PRRT4: variants seen among roughly 807,000 people sequenced by gnomAD.
PRRT4 encodes proline rich transmembrane protein 4, also known as proline-rich transmembrane protein 4.
Under a neutral mutation model 55.6 loss-of-function variants are expected in PRRT4, and 59 were observed. The observed-to-expected ratio is 1.06, with a 90% CI of 0.86 to 1.32. The LOEUF (loss-of-function observed/expected upper bound fraction) is 1.32. Ranked by LOEUF, PRRT4 falls within the 40% of genes most tolerant of loss-of-function variation. The pLI, the probability that PRRT4 is intolerant of heterozygous loss-of-function variation, is 0.00. For missense variants in PRRT4, 1,217 were observed against 1,222.0 expected, an observed-to-expected ratio of 1.00 and a Z score of 0.06; for synonymous variants, 606 against 601.8, an observed-to-expected ratio of 1.01 and a Z score of -0.10.
At chr7:128,351,433 G>C (rs1380501904) in exon 5 of PRRT4, 2 of 1,527,034 alleles carry the variant, frequency 1.3e-6, no homozygotes, top group African/African-American at 1.4e-5. Context: ...AGAGGAAGCC[G>C]GGGACGGGGC....
chr7:128,361,052 C>T (rs1797238848), intron 1 of PRRT4, among the ~76,000 whole-genome samples: 1 of 148,686 alleles, frequency 6.7e-6, no homozygotes, highest in Admixed American at 6.7e-5. Flanking sequence ...CAAACCCAAG[C>T]TCTGTGAGCC....
At chr7:128,355,461 G>A (rs958408260) in intron 4 of PRRT4, among the ~76,000 whole-genome samples, 2 of 152,142 alleles carry the variant, frequency 1.3e-5, no homozygotes, top group African/African-American at 2.4e-5. Flanking sequence ...CTCCCAAACT[G>A]CTGGGATTAC....
exon 5 of PRRT4, chr7:128,351,672 G>A (rs1489243965): frequency 6.6e-7 from 1 of 1,512,736 alleles, no homozygotes; most frequent in East Asian, 2.6e-5. Context: ...GCGGCGGCAC[G>A]CGAGGACTGC....
At chr7:128,361,934 C>A (rs1797268218), upstream of PRRT4, among the ~76,000 whole-genome samples, 1 of 152,146 alleles carries the variant, frequency 6.6e-6, no homozygotes, top group African/African-American at 2.4e-5. Context: ...ATCACACACT[C>A]CCAGGGCGGC....
intron 4 of PRRT4, among the ~76,000 whole-genome samples, chr7:128,356,426 GA>G (rs894016375): frequency 4.6e-5 from 7 of 152,032 alleles, no homozygotes; most frequent in East Asian, 1.9e-4. Context: ...GGGACAGGTG[GA>G]AAAAAAACCT....
At position 128,358,895 on chromosome 7, in the gene PRRT4, C is replaced by A; in HGVS notation, c.758-95G>T. On this transcript the variant is annotated intron_variant, in intron 3 of 4. Transcript: ENST00000535159. This position sits in a 1 kb window ranked among gnomAD's most constrained non-coding sequence, Gnocchi z 4.4. ...AATTATGTCCTTCCCCAGAGTTTGT[C>A]CTAAGGAAGTCACTGTCCCAGGAAT... 6.8e-7 allele frequency: 1 copy of A among 1,462,280 alleles called. No individual in the cohort carries two copies. Among genetic ancestry groups the A allele is most frequent in the South Asian group, 1.5e-5 (1 of 68,410 alleles). 90.6% of individuals were successfully genotyped at this position (1,462,280 alleles called of 1,614,324 possible). A position where few individuals can be genotyped will look rare whatever the true frequency, so the allele number is the denominator to read the frequency against.
rs1028486104 is a variant in PRRT4 at position 128,358,474 on chromosome 7, G to A, written c.877+207C>T. Reference sequence around the variant, plus strand: ...TGCCTCTCATTGCAAAACACTCAGGGGACCATTACTTAACTCTGTGTGGGA... The same window carrying A: ...TGCCTCTCATTGCAAAACACTCAGGAGACCATTACTTAACTCTGTGTGGGA... On this transcript the variant is annotated intron_variant, in intron 4 of 4. Transcript: ENST00000535159. The surrounding 1 kb of genome is among the most constrained non-coding windows in gnomAD (Gnocchi z 4.4). Among the ~76,000 whole-genome samples the A allele has an allele frequency of 5.9e-5, 9 of 152,048 alleles. No individual in the cohort carries two copies. Among genetic ancestry groups the A allele is most frequent in the Admixed American group, 3.9e-4 (6 of 15,268 alleles).
chr7:128,350,726 C>T, downstream of PRRT4: 1 of 1,429,144 alleles, frequency 7.0e-7, no homozygotes, highest in South Asian at 1.4e-5. Context: ...CCCAGGGACC[C>T]CTGGATGGGG....
intron 4 of PRRT4, among the ~76,000 whole-genome samples, chr7:128,353,841 C>CT (rs1439398606): frequency 1.3e-5 from 2 of 152,198 alleles, no homozygotes; most frequent in African/African-American, 4.8e-5. Flanking sequence ...CCATCCTGTG[C>CT]TCCAATACCT....
chr7:128,358,382 G>T lies in PRRT4; in HGVS notation c.877+299C>A, dbSNP rs1175482828. ...GAGTGGAGGGTGGGGTTAGTGCCAG[G>T]GCTGTGGAAATCATGAAGAAGTTCC... On this transcript the variant is annotated intron_variant, in intron 4 of 4. Transcript: ENST00000535159. This position sits in a 1 kb window ranked among gnomAD's most constrained non-coding sequence, Gnocchi z 4.4. Among the ~76,000 whole-genome samples, 1 of 152,152 alleles carries T rather than the reference G, an allele frequency of 6.6e-6. No individual in the cohort carries two copies.
At position 128,351,613 on chromosome 7, in the gene PRRT4, A is replaced by G. The variant is rs1171166740; in HGVS notation, c.1943T>C (p.Leu648Pro). The G allele has an allele frequency of 2.3e-5, 35 of 1,509,332 alleles. No homozygotes were observed. The highest frequency in any genetic ancestry group is 3.0e-5 in the Non-Finnish European group (34 of 1,137,334). 93.5% of individuals were successfully genotyped at this position (1,509,332 alleles called of 1,614,324 possible). ...CCCAGTGACCCAGCCTCCCGGCAGCAGCGGAGCCGCGTGGCCCGGGGACAA... is the reference window on the plus strand; with the variant it reads ...CCCAGTGACCCAGCCTCCCGGCAGCGGCGGAGCCGCGTGGCCCGGGGACAA... Residue 648 changes from leucine (L) to proline (P), a missense_variant, in exon 5 of 5, where the codon CTG becomes CCG. By Grantham distance (98) the Leu-to-Pro change is moderately conservative. This residue lies in a region of PRRT4 where 642 missense variants were observed against 600.9 expected (regional missense o/e 1.07). Transcript: ENST00000535159.
chr7:128,351,992 G>C, exon 5 of PRRT4: 1 of 1,306,856 alleles, frequency 7.7e-7, no homozygotes. Context: ...CGCCGCCGCC[G>C]CCCGCCCCAG....
At chr7:128,361,103 T>TCTCTCACACA (rs1450661437) in intron 1 of PRRT4, among the ~76,000 whole-genome samples, 3 of 77,510 alleles carry the variant, frequency 3.9e-5, no homozygotes, top group African/African-American at 1.1e-4. Flanking sequence ...TCTCTCTCTC[T>TCTCTCACACA]CACACACACA....
intron 4 of PRRT4, among the ~76,000 whole-genome samples, chr7:128,353,432 C>T (rs916913429): frequency 2.0e-5 from 3 of 152,136 alleles, no homozygotes; most frequent in African/African-American, 7.2e-5. Context: ...AGGAAAAGCC[C>T]ACACATGTGC....
chr7:128,351,257 G>T lies in PRRT4; in HGVS notation c.2299C>A (p.Leu767Met). 1.9e-6 allele frequency: 3 copies of T among 1,539,642 alleles called. No homozygotes were observed. The South Asian group carries it at 3.6e-5, about 18-fold the overall frequency. Residue 767 changes from leucine to methionine, a missense_variant, in exon 5 of 5, where the codon CTG becomes ATG. By Grantham distance (15) the Leu-to-Met change is conservative. Coordinates refer to ENST00000535159, the Ensembl canonical transcript of PRRT4. Reference sequence around the variant, plus strand: ...TCACTGGCCCTGCCCCCGGTCCCCAGCGAGGCGGTGCGGTAGAGTCCGAGC... The same window carrying T: ...TCACTGGCCCTGCCCCCGGTCCCCATCGAGGCGGTGCGGTAGAGTCCGAGC...
At chr7:128,359,369 G>C in exon 2 of PRRT4, 2 of 1,471,262 alleles carry the variant, frequency 1.4e-6, no homozygotes, top group Non-Finnish European at 1.8e-6. Context: ...AGCAATCTCT[G>C]CCAGGCTGGC....
chr7:128,352,700 C>T (rs368132096), intron 4 of PRRT4, 22 bp from the exon 6 acceptor site: 2 of 1,505,488 alleles, frequency 1.3e-6, no homozygotes, highest in Non-Finnish European at 1.8e-6. Context: ...GAACGTTTGG[C>T]TTGAGGCAAT....
intron 4 of PRRT4, among the ~76,000 whole-genome samples, chr7:128,353,180 T>G (rs1000881896): frequency 6.6e-6 from 1 of 152,166 alleles, no homozygotes; most frequent in African/African-American, 2.4e-5. Context: ...TACTGCCGGA[T>G]GCAGATACTG....
At position 128,357,707 on chromosome 7, in the gene PRRT4, T is replaced by C. The variant is rs1265616169; in HGVS notation, c.877+974A>G. 3.3e-5 allele frequency among the ~76,000 whole-genome samples: 5 copies of C among 152,192 alleles called. No individual in the cohort carries two copies. In the South Asian group the frequency reaches 1.0e-3, roughly 31 times the overall value. ...CAGTGGTTTCCACTGCTGAGCCTAG[T>C]GAGGGGTGACTGAGAAGTTTCACAG... On this transcript the variant is annotated intron_variant, in intron 4 of 4. Coordinates refer to ENST00000535159, the Ensembl canonical transcript of PRRT4.
Sources: allele counts gnomAD v4.1 joint callset (sites outside exome capture counted in the v4.1 genomes callset), GRCh38; gene constraint gnomAD v4.1.1; regional missense constraint gnomAD v4.1.1; non-coding constraint Gnocchi (gnomAD v3.1); transcripts MANE v1.5; gene names NCBI Gene and HGNC (gene_info 2026-07-23, HGNC 2026-07-21).